Variants in HSPA12A observed in about 807,000 individuals in gnomAD.
HSPA12A encodes the protein heat shock 70 kDa protein 12A.
In HSPA12A, 28 loss-of-function variants were observed where a neutral mutation model predicts 69.2. The ratio of observed to expected loss-of-function variants is 0.40; its 90% CI spans 0.30 to 0.55. The LOEUF is 0.55. HSPA12A is among the 20% of genes least tolerant of loss of function. HSPA12A has a pLI of 0.38. For synonymous variants in HSPA12A, 345 were observed against 370.5 expected, an observed-to-expected ratio of 0.93 and a Z score of 0.79; for missense variants, 686 against 900.7, an observed-to-expected ratio of 0.76 and a Z score of 3.05.
chr10:116,685,519 C>T (rs1849553935), intron 6 of HSPA12A, among the ~76,000 whole-genome samples: 1 of 151,572 alleles, frequency 6.6e-6, no homozygotes, highest in Non-Finnish European at 1.5e-5. Context: ...CCTGTAATCC[C>T]AGCTACTCGG....
At chr10:116,714,292 AG>A (rs1402260518) in intron 1 of HSPA12A, among the ~76,000 whole-genome samples, 1 of 152,130 alleles carries the variant, frequency 6.6e-6, no homozygotes, top group Non-Finnish European at 1.5e-5. Flanking sequence ...TGCTATGCTG[AG>A]TGACCTCCAA....
At position 116,775,042 on chromosome 10, in the gene HSPA12A, G is replaced by A. The variant is rs528085839; in HGVS notation, c.91+59893C>T. Among the ~76,000 whole-genome samples, 3 of 152,334 alleles carry A rather than the reference G, an allele frequency of 2.0e-5. No individual in the cohort carries two copies. The South Asian group carries it at 6.2e-4, about 32-fold the overall frequency. ...TCCTTTGCTCCCTCCCGCCCATCCT[G>A]TGGCTGTCTCTGCTGAGTCACTCTT... On this transcript the variant is annotated intron_variant, in intron 2 of 12. Transcript: ENST00000635765.
At chr10:116,752,820 A>G (rs1851803446) in intron 2 of HSPA12A, among the ~76,000 whole-genome samples, 1 of 152,182 alleles carries the variant, frequency 6.6e-6, no homozygotes, top group East Asian at 1.9e-4. Context: ...ACATTTCCTT[A>G]GATAATGCTT....
intron 2 of HSPA12A, among the ~76,000 whole-genome samples, chr10:116,748,041 GCTCAGAGATA>G (rs1554887979): frequency 6.6e-6 from 1 of 152,082 alleles, no homozygotes; most frequent in Admixed American, 6.6e-5. Flanking sequence ...AGAAACATGG[GCTCAGAGATA>G]CTAAACCTCT....
At chr10:116,775,843 G>C (rs1465493376) in intron 2 of HSPA12A, among the ~76,000 whole-genome samples, 3 of 152,122 alleles carry the variant, frequency 2.0e-5, no homozygotes, top group Non-Finnish European at 2.9e-5. Flanking sequence ...CTGGGGTCTT[G>C]TGAGGGCTCC....
intron 2 of HSPA12A, among the ~76,000 whole-genome samples, chr10:116,775,443 T>C (rs145968858): frequency 1.3e-4 from 19 of 151,680 alleles, no homozygotes; most frequent in East Asian, 1.2e-3. Context: ...GGGAAGGGAG[T>C]CTCTGTAGCT....
At chr10:116,763,989 C>T (rs375484420) in intron 2 of HSPA12A, among the ~76,000 whole-genome samples, 3 of 152,034 alleles carry the variant, frequency 2.0e-5, no homozygotes, top group Non-Finnish European at 2.9e-5. Flanking sequence ...TCCCTGCAAC[C>T]TTTGGGGGGG....
chr10:116,738,165 G>C (rs1564802877), intron 1 of HSPA12A, among the ~76,000 whole-genome samples: 1 of 152,202 alleles, frequency 6.6e-6, no homozygotes, highest in Non-Finnish European at 1.5e-5. Context: ...AGGCCTTATT[G>C]GAATCAAAGC....
intron 1 of HSPA12A, among the ~76,000 whole-genome samples, chr10:116,720,241 C>T (rs942491451): frequency 2.6e-5 from 4 of 152,206 alleles, no homozygotes; most frequent in Non-Finnish European, 5.9e-5. Context: ...ACTCAGTCAC[C>T]GCCACCCACC....
At chr10:116,807,622 C>T (rs1845093842) in intron 2 of HSPA12A, among the ~76,000 whole-genome samples, 1 of 152,134 alleles carries the variant, frequency 6.6e-6, no homozygotes, top group Non-Finnish European at 1.5e-5. Context: ...GCGGGTCGTC[C>T]CCATTTCTCT....
At chr10:116,778,707 G>A (rs1194097983) in intron 2 of HSPA12A, among the ~76,000 whole-genome samples, 9 of 152,160 alleles carry the variant, frequency 5.9e-5, no homozygotes, top group Non-Finnish European at 1.5e-5. Context: ...TTTGAGAACA[G>A]TGTGGTGGGC....
At chr10:116,753,943 A>T (rs541039304) in intron 2 of HSPA12A, among the ~76,000 whole-genome samples, 8 of 152,304 alleles carry the variant, frequency 5.3e-5, no homozygotes, top group African/African-American at 1.9e-4. Context: ...TCTGCTGGGC[A>T]CTAAGCCAAG....
intron 2 of HSPA12A, among the ~76,000 whole-genome samples, chr10:116,818,180 C>T (rs996554173): frequency 6.6e-6 from 1 of 152,230 alleles, no homozygotes; most frequent in Non-Finnish European, 1.5e-5. Context: ...ATGGTTCTCC[C>T]TGAGCTACAG....
chr10:116,692,586 G>T lies in HSPA12A; in HGVS notation c.547-119C>A, dbSNP rs1478470943. The T allele has an allele frequency of 5.4e-6, 4 of 737,442 alleles. No individual in the cohort carries two copies. In the East Asian group the frequency reaches 1.0e-4, roughly 19 times the overall value. The allele number at this position is 737,442 out of a possible 1,614,324, so 45.7% of individuals were successfully genotyped here. A position where few individuals can be genotyped will look rare whatever the true frequency, so the allele number is the denominator to read the frequency against. ...GAGCTCTTCAGGAGCCAGTTTCAGG[G>T]TCCCCCAAACTTACCAGCATCAGAG... On this transcript the variant is annotated intron_variant, in intron 5 of 11. Coordinates refer to ENST00000369209, the MANE Select transcript of HSPA12A (RefSeq NM_025015.3).
At chr10:116,694,406 C>A (rs1849823673) in intron 5 of HSPA12A, among the ~76,000 whole-genome samples, 1 of 152,204 alleles carries the variant, frequency 6.6e-6, no homozygotes. Context: ...TTATTCACGG[C>A]ATATTCCCTG....
At chr10:116,795,083 G>A (rs1365385697) in intron 2 of HSPA12A, among the ~76,000 whole-genome samples, 2 of 152,162 alleles carry the variant, frequency 1.3e-5, no homozygotes, top group African/African-American at 2.4e-5. Flanking sequence ...CTTAGAAGGG[G>A]GATAAATAAA....
chr10:116,836,780 C>T (rs984106432), intron 1 of HSPA12A, among the ~76,000 whole-genome samples: 7 of 151,862 alleles, frequency 4.6e-5, no homozygotes, highest in African/African-American at 1.5e-4. Flanking sequence ...CACACACACA[C>T]ACACACACAC....
At chr10:116,774,997 G>GCTA (rs5788192) in intron 2 of HSPA12A, among the ~76,000 whole-genome samples, 43,293 of 152,092 alleles carry the variant, frequency 0.28, 6,324 homozygotes, top group South Asian at 0.4. Flanking sequence ...CAACTGTGCT[G>GCTA]CTTTGGGGGA....
chr10:116,727,977 T>TC (rs1159705534), intron 1 of HSPA12A, among the ~76,000 whole-genome samples: 5 of 151,950 alleles, frequency 3.3e-5, no homozygotes, highest in African/African-American at 1.2e-4. Context: ...ACCCAGCTAA[T>TC]TTTTCTATTT....
Sources: gnomAD v4.1 joint callset for allele counts (sites outside exome capture counted in the v4.1 genomes callset) on GRCh38, gnomAD v4.1.1 for gene constraint, MANE v1.5 for transcripts, NCBI Gene and HGNC (gene_info 2026-07-23, HGNC 2026-07-21) for gene names.